Variants in POLA1 observed in about 807,000 individuals in gnomAD.
POLA1 encodes DNA polymerase alpha catalytic subunit.
POLA1 carries 15 observed loss-of-function variants against 124.0 expected under a neutral mutation model. The ratio of observed to expected loss-of-function variants is 0.12; its 90% confidence interval spans 0.08 to 0.19. The LOEUF (loss-of-function observed/expected upper bound fraction) is 0.19. Ranked by LOEUF, POLA1 falls within the 10% of genes least tolerant of loss-of-function variation. The pLI is 1.00. For synonymous variants in POLA1, 408 were observed against 389.4 expected, an observed-to-expected ratio of 1.05 and a Z score of -0.56; for missense variants, 886 against 1,103.4, an observed-to-expected ratio of 0.80 and a Z score of 2.79.
intron 26 of POLA1, among the ~76,000 whole-genome samples, chrX:24,770,573 G>A (rs1398761034): frequency 9.0e-6 from 1 of 111,399 alleles, no homozygotes; most frequent in African/African-American, 3.3e-5. Context: ...GGGTAACCAA[G>A]TTTTTTGTTT....
chrX:24,918,680 G>C (rs896175274), intron 35 of POLA1, among the ~76,000 whole-genome samples: 1 of 111,368 alleles, frequency 9.0e-6, no homozygotes, highest in Non-Finnish European at 1.9e-5. Context: ...AAAAAAAGAG[G>C]TTTATTTGAC....
At chrX:24,977,165 G>A (rs1400294327) in intron 36 of POLA1, among the ~76,000 whole-genome samples, 1 of 111,820 alleles carries the variant, frequency 8.9e-6, no homozygotes, top group African/African-American at 3.2e-5. Context: ...CTGTATCTTT[G>A]TTTACTGTCC....
rs945543513 is a variant in POLA1, at chrX:24,921,184, A to C, written c.4165-9269A>C. Among the ~76,000 whole-genome samples, 5 of 112,782 alleles carry C rather than the reference A, an allele frequency of 4.4e-5. No homozygotes were observed. In the Admixed American group the frequency reaches 4.7e-4, roughly 11 times the overall value. ...AATGCTTTGAAAAATATCACATACT[A>C]TGCAAGTGCAAGGGTTGTGAATTTT... On this transcript the variant is annotated intron_variant, in intron 35 of 36. Coordinates refer to ENST00000379068, the MANE Select transcript of POLA1 (RefSeq NM_001330360.2).
intron 26 of POLA1, among the ~76,000 whole-genome samples, chrX:24,759,168 C>T (rs755536886): frequency 8.9e-6 from 1 of 112,064 alleles, no homozygotes; most frequent in African/African-American, 3.2e-5. Context: ...TCCAGGGCTT[C>T]TTTCATCAAG....
At chrX:24,754,894 CTA>C (rs767714764) in intron 26 of POLA1, among the ~76,000 whole-genome samples, 3 of 112,661 alleles carry the variant, frequency 2.7e-5, no homozygotes, top group African/African-American at 6.4e-5. Flanking sequence ...TTCATGTTAA[CTA>C]TTGTATAATA....
intron 32 of POLA1, among the ~76,000 whole-genome samples, chrX:24,839,383 A>C (rs1287592662): frequency 8.9e-6 from 1 of 112,326 alleles, no homozygotes; most frequent in Non-Finnish European, 1.9e-5. Flanking sequence ...AGTGATTTGT[A>C]GAAATGGATA....
chrX:24,740,738 A>T (rs937212617), intron 20 of POLA1, among the ~76,000 whole-genome samples: 1 of 111,003 alleles, frequency 9.0e-6, no homozygotes, highest in Non-Finnish European at 1.9e-5. Context: ...TGAATGTGCT[A>T]TCCTGTCTGC....
intron 33 of POLA1, among the ~76,000 whole-genome samples, chrX:24,842,806 G>C (rs1419194349): frequency 1.8e-5 from 2 of 111,767 alleles, no homozygotes; most frequent in African/African-American, 6.5e-5. Flanking sequence ...TTATGTACCA[G>C]ATTGGAGCAG....
chrX:24,900,547 CTG>C (rs2047264477), intron 35 of POLA1, among the ~76,000 whole-genome samples: 1 of 112,204 alleles, frequency 8.9e-6, no homozygotes, highest in Non-Finnish European at 1.9e-5. Context: ...GAAAGTGACA[CTG>C]TGAAATGTGT....
chrX:24,790,930 T>G (rs2045481755), intron 26 of POLA1, among the ~76,000 whole-genome samples: 2 of 102,159 alleles, frequency 2.0e-5, no homozygotes, highest in African/African-American at 7.2e-5. Context: ...TATATATATA[T>G]ATATATATAT....
chrX:24,916,287 C>CTTTTTTTTTTTTTT (rs1301083848), intron 35 of POLA1, among the ~76,000 whole-genome samples: 26 of 95,157 alleles, frequency 2.7e-4, no homozygotes, highest in African/African-American at 6.5e-4. Flanking sequence ...TTTCTTTTTT[C>CTTTTTTTTTTTTTT]TTTTTTTTTT....
At chrX:24,865,860 T>C (rs1229514227) in intron 34 of POLA1, among the ~76,000 whole-genome samples, 2 of 111,653 alleles carry the variant, frequency 1.8e-5, no homozygotes, top group African/African-American at 6.5e-5. Flanking sequence ...GAGGTGTATT[T>C]ATTCTCAAAG....
intron 34 of POLA1, among the ~76,000 whole-genome samples, chrX:24,862,813 A>T (rs1467646360): frequency 8.9e-6 from 1 of 112,501 alleles, no homozygotes; most frequent in Non-Finnish European, 1.9e-5. Flanking sequence ...TCTGTCAAGC[A>T]AATTTTAATG....
intron 34 of POLA1, among the ~76,000 whole-genome samples, chrX:24,857,817 T>C (rs2046665522): frequency 8.9e-6 from 1 of 111,956 alleles, no homozygotes; most frequent in South Asian, 3.7e-4. Context: ...ATTGTAATTT[T>C]ACTTTTGTAA....
chrX:24,802,823 C>A (rs371627312), intron 26 of POLA1, among the ~76,000 whole-genome samples: 7 of 110,980 alleles, frequency 6.3e-5, no homozygotes, highest in African/African-American at 2.3e-4. Context: ...CATGGTGAAA[C>A]CCCGTCTCTA....
At chrX:24,777,211 A>G (rs983614384) in intron 26 of POLA1, among the ~76,000 whole-genome samples, 13 of 112,260 alleles carry the variant, frequency 1.2e-4, no homozygotes, top group Middle Eastern at 4.2e-3. Flanking sequence ...AATACAATAC[A>G]AAAAGATTTG....
chrX:24,950,745 A>G (rs1288755017), intron 36 of POLA1, among the ~76,000 whole-genome samples: 1 of 111,989 alleles, frequency 8.9e-6, no homozygotes, highest in Non-Finnish European at 1.9e-5. Context: ...TAAAGGGCAT[A>G]ATTAGAGGTG....
intron 36 of POLA1, among the ~76,000 whole-genome samples, chrX:24,938,009 A>G (rs1373280189): frequency 8.9e-6 from 1 of 112,816 alleles, no homozygotes. Flanking sequence ...GAAAAAAGCC[A>G]AAAAGCATGA....
In POLA1 at chrX:24,848,209, T is replaced by A. The variant is rs184718954; in HGVS notation, c.4047+4532T>A. Among the ~76,000 whole-genome samples the A allele has an allele frequency of 2.3e-3, 260 of 112,591 alleles. 1 individual carries two copies. The highest frequency in any genetic ancestry group is 4.6e-3 in the Middle Eastern group (1 of 217). ...TTTCTGTTCTCTCCTTGTATTTTTC[T>A]CTTTTACTTCTTAGTATATTGTGTC... is the stretch of plus-strand genomic sequence containing the variant. On this transcript the variant is annotated intron_variant, in intron 34 of 36. Coordinates refer to ENST00000379068, the MANE Select transcript of POLA1 (RefSeq NM_001330360.2).
Sources: allele counts gnomAD v4.1 joint callset (sites outside exome capture counted in the v4.1 genomes callset), GRCh38; gene constraint gnomAD v4.1.1; transcripts MANE v1.5; gene names NCBI Gene and HGNC (gene_info 2026-07-23, HGNC 2026-07-21).